TCF7L2: variants seen among roughly 807,000 people sequenced by gnomAD.
TCF7L2 encodes the protein transcription factor 7 like 2.
TCF7L2 carries 23 observed loss-of-function variants against 77.9 expected under a neutral mutation model. The ratio of observed to expected loss-of-function variants is 0.30; its 90% CI spans 0.21 to 0.42. The LOEUF is 0.42. TCF7L2 is among the 10% of genes least tolerant of loss of function. The pLI, the probability that TCF7L2 is intolerant of heterozygous loss-of-function variation, is 1.00. For missense variants in TCF7L2, 654 were observed against 793.1 expected, an observed-to-expected ratio of 0.82 and a Z score of 2.11; for synonymous variants, 413 against 340.2, an observed-to-expected ratio of 1.21 and a Z score of -2.36.
chr10:113,165,274 T>G (rs1278707774), intron 13 of TCF7L2, among the ~76,000 whole-genome samples: 1 of 152,154 alleles, frequency 6.6e-6, no homozygotes, highest in Non-Finnish European at 1.5e-5. Context: ...GTATATAATT[T>G]GGGCATGGTG....
chr10:112,986,641 T>C (rs1438776217), intron 4 of TCF7L2, among the ~76,000 whole-genome samples: 5 of 152,196 alleles, frequency 3.3e-5, no homozygotes, highest in African/African-American at 1.2e-4. Context: ...TTGCACTTGG[T>C]GTTTCTCTCT....
intron 5 of TCF7L2, among the ~76,000 whole-genome samples, chr10:113,065,488 T>G (rs181740576): frequency 3.4e-4 from 52 of 152,334 alleles, no homozygotes; most frequent in Admixed American, 1.3e-3. Flanking sequence ...CACACAGTAT[T>G]TATGTGGCCC....
At chr10:113,045,494 CCCCCAGGGAA>C (rs2053276565) in intron 5 of TCF7L2, among the ~76,000 whole-genome samples, 1 of 152,112 alleles carries the variant, frequency 6.6e-6, no homozygotes, top group Admixed American at 6.5e-5. Context: ...AGCCCTGGGA[CCCCCAGGGAA>C]CCCCAGCCCC....
chr10:113,097,656 A>AAAAACAAAAAAAAAAAAC, intron 5 of TCF7L2, among the ~76,000 whole-genome samples: 1 of 141,088 alleles, frequency 7.1e-6, no homozygotes, highest in Admixed American at 7.1e-5. Context: ...GAAAAAAAAA[A>AAAAACAAAAAAAAAAAAC]AAAAAAAAAA....
chr10:113,092,328 G>A (rs1379747905), intron 5 of TCF7L2, among the ~76,000 whole-genome samples: 3 of 152,180 alleles, frequency 2.0e-5, no homozygotes, highest in Non-Finnish European at 4.4e-5. Context: ...TGCCAACTTG[G>A]GCAAGTTACC....
At chr10:113,070,216 A>G (rs1229449833) in intron 5 of TCF7L2, among the ~76,000 whole-genome samples, 3 of 150,486 alleles carry the variant, frequency 2.0e-5, no homozygotes, top group Admixed American at 6.6e-5. Context: ...AGATGGTGCC[A>G]CTGCACTCCA....
chr10:113,162,891 G>A (rs563007480), intron 13 of TCF7L2, among the ~76,000 whole-genome samples: 3 of 152,134 alleles, frequency 2.0e-5, no homozygotes, highest in South Asian at 2.1e-4. Context: ...TCGAGATGAA[G>A]CCTAGGTTGG....
At chr10:113,134,539 G>A (rs759129064) in intron 5 of TCF7L2, among the ~76,000 whole-genome samples, 5 of 152,238 alleles carry the variant, frequency 3.3e-5, no homozygotes, top group African/African-American at 4.8e-5. Context: ...GACTAGTTGA[G>A]TTGCCAAAGG....
chr10:113,021,965 T>G (rs1267792033), intron 4 of TCF7L2, among the ~76,000 whole-genome samples: 1 of 152,184 alleles, frequency 6.6e-6, no homozygotes, highest in East Asian at 1.9e-4. Context: ...TCTTTGAATT[T>G]CTCTTTCTTG....
chr10:113,123,237 G>A (rs1441503416), intron 5 of TCF7L2, among the ~76,000 whole-genome samples: 1 of 152,210 alleles, frequency 6.6e-6, no homozygotes, highest in Non-Finnish European at 1.5e-5. Flanking sequence ...CGAGAGAGAG[G>A]CAGAGAAAGC....
chr10:113,075,081 T>C (rs2058541072), intron 5 of TCF7L2, among the ~76,000 whole-genome samples: 1 of 152,206 alleles, frequency 6.6e-6, no homozygotes, highest in Admixed American at 6.5e-5. Flanking sequence ...CTTGATCTCC[T>C]GGGCTGAAGC....
At chr10:113,023,514 C>T (rs759959886) in intron 4 of TCF7L2, among the ~76,000 whole-genome samples, 19 of 152,172 alleles carry the variant, frequency 1.2e-4, no homozygotes, top group Non-Finnish European at 2.1e-4. Flanking sequence ...CTCTGTCACC[C>T]AAGCTGGAGT....
intron 4 of TCF7L2, among the ~76,000 whole-genome samples, chr10:113,017,009 C>T (rs1353045910): frequency 6.6e-6 from 1 of 152,164 alleles, no homozygotes; most frequent in Non-Finnish European, 1.5e-5. Context: ...AAAGAGCCCC[C>T]AGCAAGCAGA....
chr10:112,981,283 C>A (rs2040422455), intron 4 of TCF7L2, among the ~76,000 whole-genome samples: 1 of 149,888 alleles, frequency 6.7e-6, no homozygotes, highest in African/African-American at 2.5e-5. Context: ...GTGATGGGCC[C>A]CTTTCCTTGG....
At chr10:113,067,477 C>T (rs2057402060) in intron 5 of TCF7L2, among the ~76,000 whole-genome samples, 2 of 152,192 alleles carry the variant, frequency 1.3e-5, no homozygotes, top group Admixed American at 6.5e-5. Flanking sequence ...CCCCTCTTCC[C>T]CCACAAGAAA....
At chr10:113,042,783 A>T (rs2052685888) in intron 5 of TCF7L2, among the ~76,000 whole-genome samples, 1 of 152,206 alleles carries the variant, frequency 6.6e-6, no homozygotes, top group Non-Finnish European at 1.5e-5. Context: ...ACATAAGGCA[A>T]TGTGCCAACC....
intron 5 of TCF7L2, chr10:113,125,632 T>G (rs1387818937): frequency 6.6e-6 from 1 of 152,218 alleles, no homozygotes; most frequent in Non-Finnish European, 1.5e-5. Flanking sequence ...TTAATATTCA[T>G]TAACTGCTTT....
chr10:113,143,034 C>A (rs1474470705), intron 6 of TCF7L2, among the ~76,000 whole-genome samples: 3 of 152,240 alleles, frequency 2.0e-5, no homozygotes, highest in Admixed American at 2.0e-4. Context: ...GAACATGCAG[C>A]CCGTTCCCTC....
At chr10:113,054,771 A>G (rs548894878) in intron 5 of TCF7L2, among the ~76,000 whole-genome samples, 50 of 152,312 alleles carry the variant, frequency 3.3e-4, no homozygotes, top group African/African-American at 1.2e-3. Context: ...TGTATTATAA[A>G]TAATCTTAGT....
Sources: allele counts gnomAD v4.1 joint callset (sites outside exome capture counted in the v4.1 genomes callset), GRCh38; gene constraint gnomAD v4.1.1; transcripts MANE v1.5; gene names NCBI Gene and HGNC (gene_info 2026-07-23, HGNC 2026-07-21).